Variants in NCKAP5 observed in about 807,000 individuals in gnomAD.
NCKAP5 encodes the protein NCK associated protein 5, also known as nck-associated protein 5.
A neutral mutation model predicts 167.0 loss-of-function variants in NCKAP5; 92 were observed. The observed-to-expected ratio is 0.55, with a 90% CI of 0.47 to 0.66. The LOEUF (loss-of-function observed/expected upper bound fraction) is 0.66. NCKAP5 is among the 30% of genes least tolerant of loss of function. The pLI, the probability that NCKAP5 is intolerant of heterozygous loss-of-function variation, is 0.00. For synonymous variants in NCKAP5, 891 were observed against 877.4 expected (o/e 1.02, Z -0.27); for missense variants, 2,378 against 2,315.0 (o/e 1.03, Z -0.56).
At chr2:133,483,629 G>T (rs967419143) in intron 3 of NCKAP5, among the ~76,000 whole-genome samples, 3 of 95,506 alleles carry the variant, frequency 3.1e-5, no homozygotes, top group African/African-American at 5.4e-5. Flanking sequence ...AAAAAAAAAG[G>T]GGGGGGGGCT....
At chr2:133,328,693 T>C (rs1682625553) in intron 3 of NCKAP5, among the ~76,000 whole-genome samples, 1 of 152,200 alleles carries the variant, frequency 6.6e-6, no homozygotes, top group South Asian at 2.1e-4. Context: ...TGAAAGCACC[T>C]AACCTATTCA....
chr2:133,376,186 T>C (rs182136822), intron 3 of NCKAP5, among the ~76,000 whole-genome samples: 2 of 152,356 alleles, frequency 1.3e-5, no homozygotes, highest in Admixed American at 6.5e-5. Flanking sequence ...CAATACATGA[T>C]GGCTGTCATC....
chr2:133,222,331 AAATAT>A (rs1304963670), intron 4 of NCKAP5, among the ~76,000 whole-genome samples: 1 of 152,150 alleles, frequency 6.6e-6, no homozygotes, highest in Non-Finnish European at 1.5e-5. Flanking sequence ...TAATTTTCAA[AAATAT>A]AATAAAACAA....
At chr2:133,577,771 C>A in the NCKAP5 span, among the ~76,000 whole-genome samples, 1 of 152,046 alleles carries the variant, frequency 6.6e-6, no homozygotes, top group Non-Finnish European at 1.5e-5. Flanking sequence ...TATGTATGAG[C>A]GGCCAAGTAT....
At chr2:132,907,695 T>C (rs1309875436) in intron 8 of NCKAP5, among the ~76,000 whole-genome samples, 2 of 152,154 alleles carry the variant, frequency 1.3e-5, no homozygotes, top group African/African-American at 4.8e-5. Flanking sequence ...TCTCGCTGTG[T>C]TGCCCAGGCT....
chr2:133,624,162 C>G, the NCKAP5 span, among the ~76,000 whole-genome samples: 1 of 152,022 alleles, frequency 6.6e-6, no homozygotes. Context: ...GGATAAAAGA[C>G]TACACATTGG....
chr2:133,219,408 G>A (rs2086563548), intron 4 of NCKAP5, among the ~76,000 whole-genome samples: 1 of 152,166 alleles, frequency 6.6e-6, no homozygotes, highest in African/African-American at 2.4e-5. Flanking sequence ...ATTGTTTTAA[G>A]ACATTTATGC....
chr2:133,261,831 G>A (rs1395404879), intron 4 of NCKAP5, among the ~76,000 whole-genome samples: 2 of 152,136 alleles, frequency 1.3e-5, no homozygotes, highest in Non-Finnish European at 2.9e-5. Flanking sequence ...AGAGACTTAG[G>A]TTAGCTCTGA....
At chr2:132,767,683 G>C (rs1481098462) in intron 16 of NCKAP5, among the ~76,000 whole-genome samples, 2 of 152,214 alleles carry the variant, frequency 1.3e-5, no homozygotes, top group Non-Finnish European at 2.9e-5. Context: ...AAGTCTAGGA[G>C]AGGATAAGGA....
At chr2:133,125,559 G>A (rs1476007671) in intron 6 of NCKAP5, among the ~76,000 whole-genome samples, 1 of 152,084 alleles carries the variant, frequency 6.6e-6, no homozygotes, top group African/African-American at 2.4e-5. Flanking sequence ...CACAGACAAT[G>A]GGTTAAACAA....
In NCKAP5 at chr2:133,102,878, A is replaced by G. The variant is rs114411094; in HGVS notation, c.341+27100T>C. 3.6e-3 allele frequency among the ~76,000 whole-genome samples: 549 copies of G among 152,058 alleles called. 3 individuals are homozygous for G. The highest frequency in any genetic ancestry group is 0.012 in the African/African-American group (498 of 41,346). On this transcript the variant is annotated intron_variant, in intron 6 of 19. Transcript: ENST00000409261. ...TATGAGTTCAAGACTGAGCTCCCAGAGAGCTGGATTCAAGTCCCGTGAATG... is the reference window on the plus strand; with the variant it reads ...TATGAGTTCAAGACTGAGCTCCCAGGGAGCTGGATTCAAGTCCCGTGAATG...
chr2:133,385,811 C>G (rs1373370706), intron 3 of NCKAP5, among the ~76,000 whole-genome samples: 6 of 152,128 alleles, frequency 3.9e-5, no homozygotes, highest in East Asian at 3.8e-4. Context: ...TCCATTTCTT[C>G]TAGATTTTCT....
chr2:133,643,095 C>A, the NCKAP5 span, among the ~76,000 whole-genome samples: 1 of 152,016 alleles, frequency 6.6e-6, no homozygotes, highest in Non-Finnish European at 1.5e-5. Flanking sequence ...GCATCCAAAT[C>A]ACTCTGTCTT....
At chr2:133,636,129 T>C in the NCKAP5 span, among the ~76,000 whole-genome samples, 5 of 152,336 alleles carry the variant, frequency 3.3e-5, no homozygotes, top group African/African-American at 9.6e-5. Flanking sequence ...GCTAAGATTA[T>C]GTACTGTGGC....
intron 4 of NCKAP5, among the ~76,000 whole-genome samples, chr2:133,250,156 C>T (rs539750065): frequency 8.6e-5 from 13 of 151,864 alleles, no homozygotes; most frequent in Non-Finnish European, 1.9e-4. Context: ...TGGGTCCAAG[C>T]CTTTGAGGTT....
the NCKAP5 span, among the ~76,000 whole-genome samples, chr2:133,615,638 C>A: frequency 2.0e-5 from 3 of 152,130 alleles, no homozygotes; most frequent in South Asian, 4.1e-4. Flanking sequence ...CAGGAGCACC[C>A]AGATTCATAA....
chr2:133,355,658 C>T (rs1382141047), intron 3 of NCKAP5, among the ~76,000 whole-genome samples: 1 of 151,908 alleles, frequency 6.6e-6, no homozygotes, highest in East Asian at 1.9e-4. Context: ...GTCCTTTTCC[C>T]ATATACCCAC....
At chr2:133,307,496 G>GA (rs963097449) in intron 3 of NCKAP5, among the ~76,000 whole-genome samples, 6 of 151,694 alleles carry the variant, frequency 4.0e-5, no homozygotes, top group African/African-American at 9.7e-5. Context: ...CACAAGAGTT[G>GA]AAAAAAAATA....
rs72996823 is a variant in NCKAP5, at chr2:133,013,841, T to A, written c.342-19602A>T. Among the ~76,000 whole-genome samples the A allele has an allele frequency of 7.1e-3, 1,086 of 152,244 alleles. 13 individuals are homozygous for A. Among genetic ancestry groups the A allele is most frequent in the African/African-American group, 0.024 (979 of 41,536 alleles). On this transcript the variant is annotated intron_variant, in intron 6 of 19. Coordinates refer to ENST00000409261, the MANE Select transcript of NCKAP5 (RefSeq NM_207363.3). ...TTGGAAGTGTCTTCACAGGTCTCTA[T>A]TTTCCTGACTGACAATGATACCACC...
Sources: gnomAD v4.1 joint callset for allele counts (sites outside exome capture counted in the v4.1 genomes callset) on GRCh38, gnomAD v4.1.1 for gene constraint, MANE v1.5 for transcripts, NCBI Gene and HGNC (gene_info 2026-07-23, HGNC 2026-07-21) for gene names.